JAZF1: variants seen among roughly 807,000 people sequenced by gnomAD.
JAZF1 encodes juxtaposed with another zinc finger protein 1.
Under a neutral mutation model 26.4 loss-of-function variants are expected in JAZF1, and 8 were observed. That is an observed-to-expected ratio of 0.30 (90% CI 0.18 to 0.55). The LOEUF is 0.55. JAZF1 is among the 20% of genes least tolerant of loss of function. JAZF1 has a pLI of 0.94. For missense variants in JAZF1, 199 were observed against 322.0 expected, an observed-to-expected ratio of 0.62 and a Z score of 2.92; for synonymous variants, 126 against 122.3, an observed-to-expected ratio of 1.03 and a Z score of -0.20.
At chr7:28,127,968 A>G (rs1782724277) in intron 1 of JAZF1, among the ~76,000 whole-genome samples, 1 of 152,062 alleles carries the variant, frequency 6.6e-6, no homozygotes, top group Admixed American at 6.5e-5. Flanking sequence ...CATGGGGATT[A>G]TGGGAACTAC....
intron 1 of JAZF1, among the ~76,000 whole-genome samples, chr7:28,147,416 A>C (rs1783044204): frequency 6.6e-6 from 1 of 152,026 alleles, no homozygotes; most frequent in African/African-American, 2.4e-5. Flanking sequence ...GTATCCAAGT[A>C]CTCACCTTCT....
At chr7:28,168,774 C>A (rs1250416223) in intron 1 of JAZF1, among the ~76,000 whole-genome samples, 2 of 152,226 alleles carry the variant, frequency 1.3e-5, no homozygotes, top group Non-Finnish European at 2.9e-5. Context: ...AGAACTGAAA[C>A]CCAAAATGGA....
chr7:27,858,677 T>C (rs370667753), intron 3 of JAZF1, among the ~76,000 whole-genome samples: 40 of 152,304 alleles, frequency 2.6e-4, no homozygotes, highest in African/African-American at 8.9e-4. Flanking sequence ...TGGCTAGCCA[T>C]ATGCAGAAAA....
chr7:27,965,442 A>T (rs111639972), intron 2 of JAZF1, among the ~76,000 whole-genome samples: 5 of 152,328 alleles, frequency 3.3e-5, no homozygotes, highest in African/African-American at 1.2e-4. Flanking sequence ...CTTTCACTTA[A>T]GTCTTCTGAC....
intron 3 of JAZF1, chr7:27,846,456 A>T (rs562056091): frequency 3.2e-5 from 15 of 470,496 alleles, no homozygotes; most frequent in African/African-American, 2.8e-4. Flanking sequence ...TCATCCACCG[A>T]TGGACAAGTT....
intron 1 of JAZF1, among the ~76,000 whole-genome samples, chr7:28,097,294 T>C (rs1307425325): frequency 1.3e-5 from 2 of 151,608 alleles, no homozygotes; most frequent in Non-Finnish European, 2.9e-5. Context: ...AAGTACAGAC[T>C]TTTTTTTTAA....
intron 1 of JAZF1, among the ~76,000 whole-genome samples, chr7:28,129,438 G>C (rs1782754589): frequency 3.9e-5 from 6 of 152,040 alleles, no homozygotes; most frequent in Admixed American, 3.9e-4. Flanking sequence ...TGATTCATTT[G>C]GTGTGAACTG....
intron 1 of JAZF1, among the ~76,000 whole-genome samples, chr7:28,008,057 A>T (rs1439836595): frequency 1.3e-5 from 2 of 152,124 alleles, no homozygotes; most frequent in African/African-American, 2.4e-5. Context: ...TGGGTGACTG[A>T]TCTTAAAAAA....
intron 2 of JAZF1, among the ~76,000 whole-genome samples, chr7:27,899,534 A>C (rs988926736): frequency 6.6e-6 from 1 of 152,088 alleles, no homozygotes; most frequent in Non-Finnish European, 1.5e-5. Context: ...TCCTGGGCTC[A>C]AGCAATCTTC....
At chr7:28,165,742 G>A (rs1166325823) in intron 1 of JAZF1, among the ~76,000 whole-genome samples, 5 of 152,120 alleles carry the variant, frequency 3.3e-5, no homozygotes, top group African/African-American at 7.2e-5. Context: ...CAAAGAGGCC[G>A]TCCCAGACCA....
In JAZF1 at chr7:28,131,313, T is replaced by TA. The variant is rs35200756; in HGVS notation, c.115+49149dup. Among the ~76,000 whole-genome samples the TA allele has an allele frequency of 4.7e-3, 678 of 145,776 alleles. 1 individual carries two copies. Among genetic ancestry groups the TA allele is most frequent in the Middle Eastern group, 0.01 (3 of 288 alleles). On this transcript the variant is annotated intron_variant, in intron 1 of 4. Transcript: ENST00000283928. ...CTTAAAATGAGTGTTCTCTATCACT[T>TA]AAAAAAAAAAAAATCTAAATGAGTA...
At chr7:27,966,712 GCTTTTATATTAGTT>G (rs773985705) in intron 2 of JAZF1, among the ~76,000 whole-genome samples, 2 of 152,172 alleles carry the variant, frequency 1.3e-5, no homozygotes, top group African/African-American at 2.4e-5. Context: ...TCTTTTTCAT[GCTTTTATATTAGTT>G]AAAGCCTTTG....
intron 1 of JAZF1, among the ~76,000 whole-genome samples, chr7:28,170,037 T>C (rs562924114): frequency 4.5e-4 from 69 of 152,166 alleles, no homozygotes; most frequent in Admixed American, 1.1e-3. Context: ...GCTCTACACA[T>C]AGGCCACAAG....
chr7:28,179,443 C>T (rs1195972446), intron 1 of JAZF1, among the ~76,000 whole-genome samples: 2 of 152,072 alleles, frequency 1.3e-5, no homozygotes, highest in Non-Finnish European at 2.9e-5. Context: ...TCTCCCGGGC[C>T]CGGGGCGCTG....
intron 2 of JAZF1, among the ~76,000 whole-genome samples, chr7:27,931,943 T>A (rs1035455490): frequency 5.3e-5 from 8 of 152,002 alleles, no homozygotes; most frequent in Non-Finnish European, 1.0e-4. Context: ...AATAAAAAAA[T>A]TAAAAAAATC....
chr7:27,888,476 G>A (rs1490606678), intron 3 of JAZF1, among the ~76,000 whole-genome samples: 1 of 152,110 alleles, frequency 6.6e-6, no homozygotes, highest in Non-Finnish European at 1.5e-5. Flanking sequence ...AAAGGCATGA[G>A]GGAAGAGCTC....
intron 1 of JAZF1, among the ~76,000 whole-genome samples, chr7:28,048,030 C>T (rs976451283): frequency 5.3e-5 from 8 of 152,024 alleles, no homozygotes; most frequent in Admixed American, 1.3e-4. Context: ...TCCCTAGTAT[C>T]GTTGAGGAGG....
intron 2 of JAZF1, chr7:27,914,761 G>A: frequency 2.1e-6 from 1 of 471,184 alleles, no homozygotes; most frequent in Non-Finnish European, 4.4e-6. Flanking sequence ...CTCTCAGGAT[G>A]CTACAGTAGA....
intron 1 of JAZF1, among the ~76,000 whole-genome samples, chr7:28,043,569 T>C (rs1285840118): frequency 6.6e-6 from 1 of 152,182 alleles, no homozygotes; most frequent in Non-Finnish European, 1.5e-5. Context: ...ACAGCCATTG[T>C]AGAAAACTGG....
Sources: allele counts gnomAD v4.1 joint callset (sites outside exome capture counted in the v4.1 genomes callset), GRCh38; gene constraint gnomAD v4.1.1; transcripts MANE v1.5; gene names NCBI Gene and HGNC (gene_info 2026-07-23, HGNC 2026-07-21).